Variants in CREB5 observed in about 807,000 individuals in gnomAD.
CREB5 encodes the protein cyclic AMP-responsive element-binding protein 5.
CREB5 carries 19 observed loss-of-function variants against 57.1 expected under a neutral mutation model. That is an observed-to-expected ratio of 0.33 (90% CI 0.23 to 0.49). CREB5 has a LOEUF of 0.49. Ranked by LOEUF, CREB5 falls within the 20% of genes least tolerant of loss-of-function variation. The probability of loss-of-function intolerance (pLI) is 0.99; values close to 1 mark genes in which losing one functional copy is unlikely to be tolerated. For missense variants in CREB5, 579 were observed against 671.6 expected, an observed-to-expected ratio of 0.86 and a Z score of 1.52; for synonymous variants, 238 against 238.3, an observed-to-expected ratio of 1.00 and a Z score of 0.01.
At chr7:28,687,492 T>C (rs1434002892) in intron 5 of CREB5, among the ~76,000 whole-genome samples, 4 of 150,192 alleles carry the variant, frequency 2.7e-5, no homozygotes, top group Non-Finnish European at 4.4e-5. Flanking sequence ...AGAATAGATT[T>C]CGTATTGTGA....
intron 4 of CREB5, among the ~76,000 whole-genome samples, chr7:28,544,347 C>T (rs1336245300): frequency 1.3e-5 from 2 of 152,214 alleles, no homozygotes; most frequent in East Asian, 3.9e-4. Flanking sequence ...AATGAATTGC[C>T]GAATTTGGAA....
intron 1 of CREB5, among the ~76,000 whole-genome samples, chr7:28,333,211 T>C (rs1390199818): frequency 6.6e-6 from 1 of 152,256 alleles, no homozygotes; most frequent in Non-Finnish European, 1.5e-5. Context: ...CAGCATGGTC[T>C]TTTTTCTACT....
At chr7:28,660,234 A>G (rs1039265614) in intron 5 of CREB5, among the ~76,000 whole-genome samples, 3 of 152,214 alleles carry the variant, frequency 2.0e-5, no homozygotes, top group Admixed American at 6.5e-5. Context: ...TGCAGTTAAA[A>G]TAACAGAATT....
intron 5 of CREB5, among the ~76,000 whole-genome samples, chr7:28,633,774 G>A (rs893176057): frequency 6.6e-6 from 1 of 152,172 alleles, no homozygotes; most frequent in Non-Finnish European, 1.5e-5. Flanking sequence ...AAGACATAAA[G>A]ACAGAGGTAG....
At chr7:28,539,155 T>G (rs951081301) in intron 4 of CREB5, among the ~76,000 whole-genome samples, 1 of 152,222 alleles carries the variant, frequency 6.6e-6, no homozygotes, top group Non-Finnish European at 1.5e-5. Flanking sequence ...ATAATAACAG[T>G]GTCTTCCTCA....
intron 7 of CREB5, among the ~76,000 whole-genome samples, chr7:28,742,439 G>A (rs1804417589): frequency 6.6e-6 from 1 of 151,918 alleles, no homozygotes; most frequent in Non-Finnish European, 1.5e-5. Context: ...GGTGGCAGGT[G>A]CCTGTAGTCC....
intron 5 of CREB5, among the ~76,000 whole-genome samples, chr7:28,588,354 G>GT (rs1796375778): frequency 6.6e-6 from 1 of 152,050 alleles, no homozygotes; most frequent in African/African-American, 2.4e-5. Context: ...TTCCACATAG[G>GT]TTTTAAGTCT....
At chr7:28,379,602 G>A (rs953125960) in intron 1 of CREB5, among the ~76,000 whole-genome samples, 4 of 152,172 alleles carry the variant, frequency 2.6e-5, no homozygotes, top group Non-Finnish European at 5.9e-5. Context: ...TTGGATGCAC[G>A]TGAAAATCAC....
chr7:28,545,986 C>A (rs576914553), intron 4 of CREB5, among the ~76,000 whole-genome samples: 1 of 152,180 alleles, frequency 6.6e-6, no homozygotes, highest in Non-Finnish European at 1.5e-5. Context: ...TTTCTACAAT[C>A]GATCTTGGAA....
intron 6 of CREB5, among the ~76,000 whole-genome samples, chr7:28,720,000 C>G (rs368299259): frequency 7.2e-5 from 11 of 152,220 alleles, no homozygotes; most frequent in Admixed American, 1.3e-4. Flanking sequence ...GCGGAGGTTA[C>G]AGTGAGCTGA....
chr7:28,445,437 T>C (rs1227722298), intron 1 of CREB5, among the ~76,000 whole-genome samples: 1 of 152,168 alleles, frequency 6.6e-6, no homozygotes, highest in Admixed American at 6.5e-5. Context: ...ATTACTTTGT[T>C]TTTGCACTTT....
chr7:28,771,758 G>T (rs1474440669), intron 7 of CREB5, among the ~76,000 whole-genome samples: 2 of 126,894 alleles, frequency 1.6e-5, no homozygotes, highest in Non-Finnish European at 3.2e-5. Flanking sequence ...CCAATTTGCT[G>T]TGCCTGTAAT....
chr7:28,602,290 C>A (rs1796948379), intron 5 of CREB5, among the ~76,000 whole-genome samples: 1 of 152,154 alleles, frequency 6.6e-6, no homozygotes, highest in South Asian at 2.1e-4. Context: ...CCACACCCGG[C>A]TAATTTTTGT....
At chr7:28,591,258 A>T (rs925487906) in intron 5 of CREB5, among the ~76,000 whole-genome samples, 1 of 152,146 alleles carries the variant, frequency 6.6e-6, no homozygotes, top group Non-Finnish European at 1.5e-5. Flanking sequence ...TCACAGAGTG[A>T]TTTATTTTTC....
intron 4 of CREB5, among the ~76,000 whole-genome samples, chr7:28,512,310 A>G (rs1220180450): frequency 6.6e-6 from 1 of 152,148 alleles, no homozygotes; most frequent in African/African-American, 2.4e-5. Flanking sequence ...GTGAATAGAG[A>G]TGAAGTAGAG....
At chr7:28,367,538 G>A (rs931633621) in intron 1 of CREB5, among the ~76,000 whole-genome samples, 14 of 152,164 alleles carry the variant, frequency 9.2e-5, no homozygotes, top group Non-Finnish European at 1.3e-4. Flanking sequence ...GGCCGGGCAC[G>A]GTAGCTCATA....
At chr7:28,692,424 C>T (rs1249938480) in intron 5 of CREB5, among the ~76,000 whole-genome samples, 1 of 152,140 alleles carries the variant, frequency 6.6e-6, no homozygotes, top group Admixed American at 6.5e-5. Flanking sequence ...TGGTGAAACC[C>T]TGTCTCTACT....
chr7:28,682,687 G>GC (rs1177477849), intron 5 of CREB5, among the ~76,000 whole-genome samples: 4 of 147,638 alleles, frequency 2.7e-5, no homozygotes, highest in Non-Finnish European at 6.0e-5. Flanking sequence ...AAAAGTGGGG[G>GC]GGGGGGGAAA....
chr7:28,690,935 A>C (rs1463602554), intron 5 of CREB5, among the ~76,000 whole-genome samples: 4 of 152,136 alleles, frequency 2.6e-5, no homozygotes, highest in African/African-American at 9.7e-5. Context: ...ATTCTGACTA[A>C]AGTGAGGTGA....
Sources: allele counts gnomAD v4.1 joint callset (sites outside exome capture counted in the v4.1 genomes callset), GRCh38; gene constraint gnomAD v4.1.1; transcripts MANE v1.5; gene names NCBI Gene and HGNC (gene_info 2026-07-23, HGNC 2026-07-21).